The following LRP1 variants were observed in gnomAD, a reference collection of about 807,000 sequenced individuals.
The protein encoded by LRP1 is prolow-density lipoprotein receptor-related protein 1.
Under a neutral mutation model 541.5 loss-of-function variants are expected in LRP1, and 51 were observed. That is an observed-to-expected ratio of 0.09 (90% CI 0.08 to 0.12). The LOEUF is 0.12. LRP1 is among the 10% of genes least tolerant of loss of function. The pLI is 1.00. For missense variants in LRP1, 3,878 were observed against 6,376.2 expected (o/e 0.61, Z 13.34); for synonymous variants, 2,219 against 2,470.8 (o/e 0.90, Z 3.02).
At chr12:57,140,569 A>T (rs185530322) in intron 2 of LRP1, among the ~76,000 whole-genome samples, 15 of 152,320 alleles carry the variant, frequency 9.8e-5, no homozygotes, top group Non-Finnish European at 2.1e-4. Flanking sequence ...AGTGCTTGAT[A>T]GCCACATGTG....
chr12:57,133,214 G>T (rs568550175), intron 1 of LRP1, among the ~76,000 whole-genome samples: 2 of 151,988 alleles, frequency 1.3e-5, no homozygotes, highest in African/African-American at 2.4e-5. Context: ...GGCTGGGGTG[G>T]GGGGAGAAGG....
In LRP1 at chr12:57,212,763, C is replaced by T; in HGVS notation, c.*208C>T. 1 of 564,414 alleles carries T rather than the reference C, an allele frequency of 1.8e-6. No homozygotes were observed. The allele number at this position is 564,414 out of a possible 1,614,324, so 35.0% of individuals were successfully genotyped here. A position where few individuals can be genotyped will look rare whatever the true frequency, so the allele number is the denominator to read the frequency against. On this transcript the variant is annotated 3_prime_UTR_variant, in exon 89 of 89. Coordinates refer to ENST00000243077, the MANE Select transcript of LRP1 (RefSeq NM_002332.3). The surrounding 1 kb of genome is among the most constrained non-coding windows in gnomAD (Gnocchi z 5.0). ...TCCCCTCCCTGCCTGCTCCTTGGCA[C>T]CCCCATGCTGCCTTCAGGGAGACAG... is the stretch of plus-strand genomic sequence containing the variant.
rs1037172519 is a variant in LRP1, at chr12:57,177,201, T to C, written c.4152T>C (p.Gly1384=). 3.1e-6 allele frequency: 5 copies of C among 1,614,166 alleles called. No homozygotes were observed. The Admixed American group carries it at 8.3e-5, about 27-fold the overall frequency. ...CCCTCCGGACCACCCTGCTGGCCGGTGACATTGAGCACCCAAGGGCAATCG... is the reference window on the plus strand; with the variant it reads ...CCCTCCGGACCACCCTGCTGGCCGGCGACATTGAGCACCCAAGGGCAATCG... ...DGTLRTTLLA[G]DIEHPRAIAL... is the part of the protein sequence containing the mutation. Residue 1384 remains glycine (G), a synonymous_variant, in exon 25 of 89, where the codon GGT becomes GGC. Coordinates refer to ENST00000243077, the MANE Select transcript of LRP1 (RefSeq NM_002332.3). The surrounding 1 kb of genome is among the most constrained non-coding windows in gnomAD (Gnocchi z 6.8).
rs2036522254 is a variant in LRP1, at chr12:57,195,906, G to A, written c.8604G>A (p.Gly2868=). The change falls in exon 54 of 89, where the codon GGG becomes GGA. Residue 2868 remains glycine (G), a synonymous_variant. Coordinates refer to ENST00000243077, the MANE Select transcript of LRP1 (RefSeq NM_002332.3). ...CCAGTGAGTTCCGCTGTGCCAATGG[G>A]CGCTGTCTGAGCTCCCGCCAGTGGG... ...CGPSEFRCAN[G]RCLSSRQWEC... The A allele has an allele frequency of 2.5e-6, 4 of 1,613,592 alleles. No individual in the cohort carries two copies. Among genetic ancestry groups the A allele is most frequent in the Non-Finnish European group, 3.4e-6 (4 of 1,180,028 alleles).
chr12:57,167,193 G>A (rs2035857148), intron 18 of LRP1, 147 bp downstream of exon 18: 7 of 701,960 alleles, frequency 1.0e-5, no homozygotes, highest in South Asian at 1.7e-5. Context: ...TGAGAGGAGA[G>A]CCCCATCATC....
chr12:57,200,321 C>A, intron 62 of LRP1, 121 bp from the exon 63 acceptor site: 1 of 715,648 alleles, frequency 1.4e-6, no homozygotes. Context: ...CATAGCCCAA[C>A]CTGCCCCATA....
chr12:57,159,074 T>C (rs1449071241), intron 11 of LRP1, among the ~76,000 whole-genome samples: 1 of 152,204 alleles, frequency 6.6e-6, no homozygotes, highest in African/African-American at 2.4e-5. Context: ...GAGAAAATTG[T>C]GTTTTGTGAG....
At position 57,205,312 on chromosome 12, in the gene LRP1, G is replaced by A. The variant is rs200998625; in HGVS notation, c.11336-39G>A. Reference sequence around the variant, plus strand: ...GGGGAGAGCCAAGCCCTGGCCTGGGGTGGCTCAAGGGAGGGCATCCACTCT... The same window carrying A: ...GGGGAGAGCCAAGCCCTGGCCTGGGATGGCTCAAGGGAGGGCATCCACTCT... On this transcript the variant is annotated intron_variant, in intron 73 of 88. Coordinates refer to ENST00000243077, the MANE Select transcript of LRP1 (RefSeq NM_002332.3). The surrounding 1 kb of genome is among the most constrained non-coding windows in gnomAD (Gnocchi z 4.6). The A allele has an allele frequency of 1.1e-5, 17 of 1,590,858 alleles. No individual in the cohort carries two copies. The East Asian group carries it at 2.0e-4, about 19-fold the overall frequency.
In LRP1 at chr12:57,184,176, A is replaced by G. The variant is rs778208331; in HGVS notation, c.6021A>G (p.Leu2007=). The G allele has an allele frequency of 3.1e-6, 5 of 1,614,110 alleles. No individual in the cohort carries two copies. Among genetic ancestry groups the G allele is most frequent in the Non-Finnish European group, 3.4e-6 (4 of 1,179,992 alleles). ...SFRYVVISQG[L]DKPRAITVHP... ...GCTACGTGGTGATCTCCCAGGGTCTAGACAAGCCCCGGGCCATCACCGTCC... is the reference window on the plus strand; with the variant it reads ...GCTACGTGGTGATCTCCCAGGGTCTGGACAAGCCCCGGGCCATCACCGTCC... Residue 2007 remains leucine, a synonymous_variant, in exon 37 of 89, where the codon CTA becomes CTG. Transcript: ENST00000243077. This position sits in a 1 kb window ranked among gnomAD's most constrained non-coding sequence, Gnocchi z 7.8.
chr12:57,194,568 GC>G lies in LRP1; in HGVS notation c.8069-3del. On this transcript the variant is annotated splice_region_variant and splice_polypyrimidine_tract_variant and intron_variant, in intron 49 of 88. Transcript: ENST00000243077. ...TGAGCAGGGCCCTCACACCTGCCTCGCCCCCCAGGTGTGAAACGCCCCAGAT... is the reference window on the plus strand; with the variant it reads ...TGAGCAGGGCCCTCACACCTGCCTCGCCCCCAGGTGTGAAACGCCCCAGAT... 3.1e-6 allele frequency: 5 copies of G among 1,612,396 alleles called. No homozygotes were observed. Among genetic ancestry groups the G allele is most frequent in the African/African-American group, 1.3e-5 (1 of 75,008 alleles).
rs370519145 is a variant in LRP1 at position 57,196,069 on chromosome 12, G to A, written c.8702-18G>A. 13 of 1,609,414 alleles carry A rather than the reference G, an allele frequency of 8.1e-6. No individual in the cohort carries two copies. Among genetic ancestry groups the A allele is most frequent in the Middle Eastern group, 1.6e-4 (1 of 6,066 alleles). Reference sequence around the variant, plus strand: ...CTGCCTGAGACCCCGCTGACCTGCCGCCTCCGCCCCTCCGCAGAGCACAAG... The same window carrying A: ...CTGCCTGAGACCCCGCTGACCTGCCACCTCCGCCCCTCCGCAGAGCACAAG... On this transcript the variant is annotated intron_variant, in intron 54 of 88. Transcript: ENST00000243077.
rs1359957423 is a variant in LRP1, at chr12:57,178,634, A to G, written c.4606+31A>G. ...GGGCTCGGGGCCTCGAGCAGCCGGA[A>G]GGGAGCCAGCAGCCTCTTTAGAAGC... On this transcript the variant is annotated intron_variant, in intron 27 of 88. Transcript: ENST00000243077. The surrounding 1 kb of genome is among the most constrained non-coding windows in gnomAD (Gnocchi z 5.8). The G allele has an allele frequency of 3.1e-6, 5 of 1,613,140 alleles. No homozygotes were observed. The highest frequency in any genetic ancestry group is 3.3e-5 in the Admixed American group (2 of 59,976).
rs1174558104 is a variant in LRP1 at position 57,205,795 on chromosome 12, C to T, written c.11590+118C>T. The T allele has an allele frequency of 1.4e-6, 2 of 1,434,610 alleles. No homozygotes were observed. The highest frequency in any genetic ancestry group is 9.4e-7 in the Non-Finnish European group (1 of 1,068,890). The allele number at this position is 1,434,610 out of a possible 1,614,324, so 88.9% of individuals were successfully genotyped here. Reference sequence around the variant, plus strand: ...GACATCTTGCCCAGACAAGAAGCCCCAGACTCATAGTTGCAGCTGCCTGAG... The same window carrying T: ...GACATCTTGCCCAGACAAGAAGCCCTAGACTCATAGTTGCAGCTGCCTGAG... On this transcript the variant is annotated intron_variant, in intron 75 of 88. Transcript: ENST00000243077. The surrounding 1 kb of genome is among the most constrained non-coding windows in gnomAD (Gnocchi z 4.6).
chr12:57,136,405 C>G (rs547999947), intron 1 of LRP1, among the ~76,000 whole-genome samples: 3 of 148,528 alleles, frequency 2.0e-5, no homozygotes, highest in South Asian at 2.2e-4. Context: ...GCCCCCCCCC[C>G]CCGCCATTTT....
chr12:57,184,835 G>A lies in LRP1; in HGVS notation c.6187-4G>A. 6 of 1,611,072 alleles carry A rather than the reference G, an allele frequency of 3.7e-6. 1 individual carries two copies. In the Middle Eastern group the frequency reaches 8.4e-4, roughly 226 times the overall value. ...GAGGTGAGGTGGGTGCCTCTGGCCT[G>A]TAGGATGGGAAGCTGTACTGGTGCG... On this transcript the variant is annotated splice_region_variant and splice_polypyrimidine_tract_variant and intron_variant, in intron 38 of 88. Coordinates refer to ENST00000243077, the MANE Select transcript of LRP1 (RefSeq NM_002332.3). This position sits in a 1 kb window ranked among gnomAD's most constrained non-coding sequence, Gnocchi z 7.8.
chr12:57,158,580 C>T lies in LRP1; in HGVS notation c.1740C>T (p.Ser580=). The T allele has an allele frequency of 6.2e-7, 1 of 1,614,192 alleles. No homozygotes were observed. Among genetic ancestry groups the T allele is most frequent in the Non-Finnish European group, 8.5e-7 (1 of 1,180,026 alleles). ...TCATCTACTTTGCCGACACCACCAG[C>T]TACCTCATTGGCCGCCAGAAGATTG... The part of the protein sequence containing the change: ...TGFIYFADTT[S]YLIGRQKIDG... Residue 580 remains serine (S), a synonymous_variant, in exon 11 of 89, where the codon AGC becomes AGT. Coordinates refer to ENST00000243077, the MANE Select transcript of LRP1 (RefSeq NM_002332.3). The surrounding 1 kb of genome is among the most constrained non-coding windows in gnomAD (Gnocchi z 5.3).
chr12:57,179,131 G>A lies in LRP1; in HGVS notation c.4738+110G>A, dbSNP rs781753585. ...GCAGAGTCCCAGTCGGGAGGGTCCC[G>A]ATAGGAGAGGCTCCAGAGACAGCCA... On this transcript the variant is annotated intron_variant, in intron 28 of 88. Transcript: ENST00000243077. This position sits in a 1 kb window ranked among gnomAD's most constrained non-coding sequence, Gnocchi z 6.8. 1.5e-4 allele frequency: 215 copies of A among 1,438,520 alleles called. No individual in the cohort carries two copies. Among genetic ancestry groups the A allele is most frequent in the Non-Finnish European group, 1.8e-4 (195 of 1,068,736 alleles). 89.1% of individuals were successfully genotyped at this position (1,438,520 alleles called of 1,614,324 possible).
Position 57,212,601 on chromosome 12 carries a change from C to G in LRP1, c.*46C>G, listed in dbSNP as rs760334666. ...CCCCCAGAAAGCCTCCTGCCCCCTG[C>G]CAGTGAAGTCCTTCAGTGAGCCCCT... On this transcript the variant is annotated 3_prime_UTR_variant, in exon 89 of 89. Coordinates refer to ENST00000243077, the MANE Select transcript of LRP1 (RefSeq NM_002332.3). This position sits in a 1 kb window ranked among gnomAD's most constrained non-coding sequence, Gnocchi z 5.0. 1 of 1,531,234 alleles carries G rather than the reference C, an allele frequency of 6.5e-7. No individual in the cohort carries two copies. The highest frequency in any genetic ancestry group is 8.8e-7 in the Non-Finnish European group (1 of 1,139,048). 94.9% of individuals were successfully genotyped at this position (1,531,234 alleles called of 1,614,324 possible).
chr12:57,166,064 CT>C lies in LRP1; in HGVS notation c.2672-19del. ...GGGGCACCCAACTTCTCGCTGACCC[CT>C]GACTCATTCCCTCCCCAGATCAGCA... On this transcript the variant is annotated intron_variant, in intron 16 of 88. Transcript: ENST00000243077. 6.2e-7 allele frequency: 1 copy of C among 1,614,150 alleles called. No individual in the cohort carries two copies. Among genetic ancestry groups the C allele is most frequent in the Non-Finnish European group, 8.5e-7 (1 of 1,179,992 alleles).
Sources: gnomAD v4.1 joint callset for allele counts (sites outside exome capture counted in the v4.1 genomes callset) on GRCh38, gnomAD v4.1.1 for gene constraint, Gnocchi (gnomAD v3.1) non-coding constraint, MANE v1.5 for transcripts, NCBI Gene and HGNC (gene_info 2026-07-23, HGNC 2026-07-21) for gene names.